NRG3: variants seen among roughly 807,000 people sequenced by gnomAD.
NRG3 encodes pro-neuregulin-3, membrane-bound isoform.
NRG3 carries 31 observed loss-of-function variants against 66.9 expected under a neutral mutation model. The observed-to-expected ratio is 0.46, with a 90% CI of 0.35 to 0.63. The LOEUF (loss-of-function observed/expected upper bound fraction) is 0.63, where lower values mean the gene tolerates loss of function less well. Among genes scored for constraint, NRG3 ranks in the 20% least tolerant of loss-of-function variants. NRG3 has a pLI of 0.00. For synonymous variants in NRG3, 393 were observed against 359.4 expected, an observed-to-expected ratio of 1.09 and a Z score of -1.06; for missense variants, 910 against 878.9, an observed-to-expected ratio of 1.04 and a Z score of -0.45.
intron 3 of NRG3, among the ~76,000 whole-genome samples, chr10:82,836,647 A>G (rs1025533363): frequency 6.6e-6 from 1 of 152,098 alleles, no homozygotes; most frequent in African/African-American, 2.4e-5. Context: ...TGATTTTTAA[A>G]TATATGAGAG....
intron 4 of NRG3, among the ~76,000 whole-genome samples, chr10:82,882,332 C>G (rs767292515): frequency 9.9e-5 from 15 of 152,150 alleles, no homozygotes; most frequent in Non-Finnish European, 1.6e-4. Flanking sequence ...ATCCCATTGT[C>G]TAAATCAAAT....
intron 1 of NRG3, among the ~76,000 whole-genome samples, chr10:82,200,272 G>A (rs556744128): frequency 2.0e-5 from 3 of 152,142 alleles, no homozygotes; most frequent in African/African-American, 7.2e-5. Context: ...CAGCAGCAGT[G>A]GTTCAGTAAT....
chr10:82,435,774 CTTTTCTTTTTTT>C (rs978079892), intron 2 of NRG3, among the ~76,000 whole-genome samples: 1 of 121,432 alleles, frequency 8.2e-6, no homozygotes, highest in African/African-American at 3.1e-5. Context: ...AGTTTCTTTT[CTTTTCTTTTTTT>C]TTTTTTTTTT....
chr10:82,243,102 A>T (rs2077075773), intron 1 of NRG3, among the ~76,000 whole-genome samples: 1 of 152,234 alleles, frequency 6.6e-6, no homozygotes, highest in Non-Finnish European at 1.5e-5. Flanking sequence ...GACTTTGCTG[A>T]GCTTCACAAA....
At chr10:82,769,447 A>T (rs1459438903) in intron 3 of NRG3, among the ~76,000 whole-genome samples, 1 of 152,094 alleles carries the variant, frequency 6.6e-6, no homozygotes, top group Non-Finnish European at 1.5e-5. Context: ...ATTTTAAATA[A>T]CTTTAATTAC....
chr10:82,832,898 A>T (rs2062598726), intron 3 of NRG3, among the ~76,000 whole-genome samples: 1 of 152,032 alleles, frequency 6.6e-6, no homozygotes, highest in Non-Finnish European at 1.5e-5. Context: ...AGTCCACAGT[A>T]CAATGGTCTT....
intron 2 of NRG3, among the ~76,000 whole-genome samples, chr10:82,361,829 CT>C (rs1564839152): frequency 6.6e-6 from 1 of 151,902 alleles, no homozygotes; most frequent in Non-Finnish European, 1.5e-5. Context: ...AATATAAAGG[CT>C]TATGCATGAC....
At chr10:82,097,480 G>T (rs1160475655) in intron 1 of NRG3, among the ~76,000 whole-genome samples, 1 of 144,374 alleles carries the variant, frequency 6.9e-6, no homozygotes, top group African/African-American at 2.6e-5. Flanking sequence ...TATGTGATAT[G>T]TATCTGTAAT....
At position 81,913,164 on chromosome 10, in the gene NRG3, A is replaced by G. The variant is rs181923525; in HGVS notation, c.823+37001A>G. Among the ~76,000 whole-genome samples, 64 of 136,966 alleles carry G rather than the reference A, an allele frequency of 4.7e-4. 1 individual carries two copies. The highest frequency in any genetic ancestry group is 1.7e-3 in the African/African-American group (59 of 35,582). 89.9% of individuals were successfully genotyped at this position (136,966 alleles called of 152,430 possible). Reference sequence around the variant, plus strand: ...TCAGTTTTATGGTTGAATTTATTCAACACTCATTGATGGAGTAACCAAGGG... The same window carrying G: ...TCAGTTTTATGGTTGAATTTATTCAGCACTCATTGATGGAGTAACCAAGGG... On this transcript the variant is annotated intron_variant, in intron 1 of 8. Coordinates refer to ENST00000372141, the MANE Select transcript of NRG3 (RefSeq NM_001010848.4).
intron 2 of NRG3, among the ~76,000 whole-genome samples, chr10:82,417,981 A>T (rs893086913): frequency 1.3e-4 from 20 of 152,224 alleles, no homozygotes; most frequent in Admixed American, 3.3e-4. Flanking sequence ...TTGTGAAAGG[A>T]AATTTCAATT....
At position 82,639,754 on chromosome 10, in the gene NRG3, G is replaced by C. The variant is rs2050437510; in HGVS notation, c.954-98823G>C. ...AAGAATTTCTTGGTAATGGCTGAAA[G>C]AGCCCTGATTATTTTTTTAATTTGA... On this transcript the variant is annotated intron_variant, in intron 2 of 8. Coordinates refer to ENST00000372141, the MANE Select transcript of NRG3 (RefSeq NM_001010848.4). 2.0e-5 allele frequency among the ~76,000 whole-genome samples: 3 copies of C among 152,108 alleles called. No individual in the cohort carries two copies. In the South Asian group the frequency reaches 6.2e-4, roughly 32 times the overall value.
chr10:82,438,616 G>C (rs2090270606), intron 2 of NRG3, among the ~76,000 whole-genome samples: 1 of 152,226 alleles, frequency 6.6e-6, no homozygotes, highest in African/African-American at 2.4e-5. Context: ...CTGAGAGGCT[G>C]TAACAATCTG....
At chr10:82,155,912 G>A (rs534826222) in intron 1 of NRG3, among the ~76,000 whole-genome samples, 1 of 151,638 alleles carries the variant, frequency 6.6e-6, no homozygotes, top group African/African-American at 2.4e-5. Flanking sequence ...GCTGCTTCCT[G>A]GTCTACATTT....
chr10:82,292,605 T>C (rs1246503114), intron 1 of NRG3, among the ~76,000 whole-genome samples: 1 of 152,236 alleles, frequency 6.6e-6, no homozygotes, highest in Non-Finnish European at 1.5e-5. Context: ...GGTTGTTCTT[T>C]GGCAGGTGAT....
intron 1 of NRG3, among the ~76,000 whole-genome samples, chr10:82,148,573 G>A (rs1037281592): frequency 1.3e-4 from 20 of 151,914 alleles, no homozygotes; most frequent in African/African-American, 2.2e-4. Context: ...TTCTCCATAC[G>A]TGTGCATCAA....
intron 1 of NRG3, among the ~76,000 whole-genome samples, chr10:82,271,646 A>G (rs17099691): frequency 0.022 from 3,311 of 152,180 alleles, 80 homozygotes; most frequent in East Asian, 0.13. Flanking sequence ...TGTAAGCAAT[A>G]CTGCTGGTTT....
At chr10:82,956,129 A>G (rs903179441) in intron 5 of NRG3, among the ~76,000 whole-genome samples, 3 of 151,822 alleles carry the variant, frequency 2.0e-5, no homozygotes, top group Non-Finnish European at 4.4e-5. Flanking sequence ...CAGGAGCCCA[A>G]TCTGCAACAA....
chr10:81,909,098 T>C (rs1454382618), intron 1 of NRG3, among the ~76,000 whole-genome samples: 1 of 152,210 alleles, frequency 6.6e-6, no homozygotes, highest in Non-Finnish European at 1.5e-5. Flanking sequence ...GAATAATTCT[T>C]TCTTGCTTCT....
In NRG3 at chr10:82,058,451, T is replaced by C. The variant is rs1201028063; in HGVS notation, c.823+182288T>C. Among the ~76,000 whole-genome samples the C allele has an allele frequency of 5.3e-5, 8 of 151,844 alleles. 1 individual carries two copies. Among genetic ancestry groups the C allele is most frequent in the Admixed American group, 5.3e-4 (8 of 15,232 alleles). ...TTCTAGTTCTTCCTAGAATTAATAT[T>C]TTCAACGACCCGTTTCATCTGTAGA... On this transcript the variant is annotated intron_variant, in intron 1 of 8. Transcript: ENST00000372141.
Sources: allele counts gnomAD v4.1 joint callset (sites outside exome capture counted in the v4.1 genomes callset), GRCh38; gene constraint gnomAD v4.1.1; transcripts MANE v1.5; gene names NCBI Gene and HGNC (gene_info 2026-07-23, HGNC 2026-07-21).